PHF21A: variants seen among roughly 807,000 people sequenced by gnomAD.
The protein encoded by PHF21A is BHC80a.
In PHF21A, 11 loss-of-function variants were observed where a neutral mutation model predicts 82.5. The observed-to-expected ratio is 0.13, with a 90% confidence interval of 0.08 to 0.22. The LOEUF (loss-of-function observed/expected upper bound fraction) is 0.22. Among genes scored for constraint, PHF21A ranks in the 10% least tolerant of loss-of-function variants. The probability of loss-of-function intolerance (pLI) is 1.00; values close to 1 mark genes in which losing one functional copy is unlikely to be tolerated. For missense variants in PHF21A, 579 were observed against 837.8 expected (o/e 0.69, Z 3.81); for synonymous variants, 297 against 302.8 (o/e 0.98, Z 0.20).
chr11:46,014,022 T>G (rs1234690736), intron 6 of PHF21A, among the ~76,000 whole-genome samples: 1 of 152,198 alleles, frequency 6.6e-6, no homozygotes, highest in East Asian at 1.9e-4. Context: ...TATATTTATT[T>G]ATTTTAGATT....
At chr11:45,994,508 G>A (rs940480110) in intron 6 of PHF21A, among the ~76,000 whole-genome samples, 1 of 152,144 alleles carries the variant, frequency 6.6e-6, no homozygotes, top group Non-Finnish European at 1.5e-5. Flanking sequence ...GGCAAGACCA[G>A]GGCTCAGTCA....
At chr11:46,062,184 G>GT (rs1399446733) in intron 6 of PHF21A, among the ~76,000 whole-genome samples, 2 of 151,948 alleles carry the variant, frequency 1.3e-5, no homozygotes, top group South Asian at 4.2e-4. Flanking sequence ...AGGGTGTGGG[G>GT]TTTTTTTAAT....
intron 6 of PHF21A, among the ~76,000 whole-genome samples, chr11:45,993,550 C>G (rs1371330490): frequency 1.3e-5 from 2 of 151,796 alleles, no homozygotes; most frequent in East Asian, 1.9e-4. Context: ...TAACAAAAAG[C>G]TGGAGCTCAT....
chr11:46,019,379 TG>T (rs1252766996), intron 6 of PHF21A, among the ~76,000 whole-genome samples: 3 of 152,166 alleles, frequency 2.0e-5, no homozygotes, highest in Non-Finnish European at 4.4e-5. Flanking sequence ...TAACTTTCAT[TG>T]GTAAGCATGT....
intron 5 of PHF21A, 162 bp from the exon 6 acceptor site, chr11:46,076,981 A>G (rs2096733810): frequency 1.8e-6 from 1 of 543,382 alleles, no homozygotes; most frequent in Non-Finnish European, 3.3e-6. Context: ...ACCATCACCT[A>G]ATGCACAGAT....
intron 16 of PHF21A, chr11:45,936,870 C>G (rs2089203221): frequency 3.8e-6 from 1 of 259,912 alleles, no homozygotes; most frequent in Non-Finnish European, 7.3e-6. Flanking sequence ...CCACTCCCGA[C>G]AGCTAGAACC....
At chr11:45,961,235 A>C (rs1292958616) in intron 10 of PHF21A, among the ~76,000 whole-genome samples, 2 of 152,068 alleles carry the variant, frequency 1.3e-5, no homozygotes, top group Non-Finnish European at 2.9e-5. Flanking sequence ...GAATCCAAAA[A>C]CTCTGCACAA....
chr11:46,101,585 T>C (rs539580712), intron 1 of PHF21A, among the ~76,000 whole-genome samples: 2 of 152,338 alleles, frequency 1.3e-5, no homozygotes, highest in South Asian at 4.1e-4. Context: ...TTTCTCTAAG[T>C]ATAATTAAAT....
rs535794801 is a variant in PHF21A, at chr11:46,011,307, G to A, written c.154-31341C>T. On this transcript the variant is annotated intron_variant, in intron 6 of 18. Coordinates refer to ENST00000676320, the MANE Select transcript of PHF21A (RefSeq NM_001352027.3). The stretch of plus-strand genomic sequence containing the variant: ...AGTTCAAGGCCAATCTGCCCAACAT[G>A]GTAAAACCCTGTCTCTACTAAAAAT... Among the ~76,000 whole-genome samples, 5 of 152,216 alleles carry A rather than the reference G, an allele frequency of 3.3e-5. No individual in the cohort carries two copies. The South Asian group carries it at 1.0e-3, about 32-fold the overall frequency.
intron 6 of PHF21A, among the ~76,000 whole-genome samples, chr11:46,009,926 G>A (rs944003033): frequency 3.3e-5 from 5 of 152,136 alleles, no homozygotes; most frequent in African/African-American, 1.2e-4. Flanking sequence ...ACAGATAAAG[G>A]GGCCGTCAGT....
chr11:46,086,401 G>C (rs1333311929), intron 3 of PHF21A, among the ~76,000 whole-genome samples: 1 of 152,178 alleles, frequency 6.6e-6, no homozygotes, highest in East Asian at 1.9e-4. Flanking sequence ...TTACAGGCAT[G>C]AGCCACCGCA....
chr11:46,037,433 G>A (rs1001483207), intron 6 of PHF21A, among the ~76,000 whole-genome samples: 1 of 152,138 alleles, frequency 6.6e-6, no homozygotes, highest in Non-Finnish European at 1.5e-5. Context: ...CCTGAGGTCA[G>A]GAGTTCAAGA....
intron 3 of PHF21A, among the ~76,000 whole-genome samples, chr11:46,090,038 C>T (rs1347238607): frequency 1.3e-5 from 2 of 151,630 alleles, no homozygotes; most frequent in Non-Finnish European, 2.9e-5. Context: ...TATACACATT[C>T]TTCTATTTCC....
chr11:45,934,469 C>G (rs1480680328), intron 18 of PHF21A: 1 of 501,218 alleles, frequency 2.0e-6, no homozygotes, highest in Non-Finnish European at 3.5e-6. Flanking sequence ...AAAGAGCATG[C>G]GGGCACCAAC....
chr11:45,975,615 A>G (rs1213603294), intron 7 of PHF21A, among the ~76,000 whole-genome samples: 1 of 152,194 alleles, frequency 6.6e-6, no homozygotes, highest in Non-Finnish European at 1.5e-5. Context: ...CATTTGCATT[A>G]TGCCATTAAA....
chr11:46,115,504 A>T (rs1198967513), intron 1 of PHF21A, among the ~76,000 whole-genome samples: 1 of 152,224 alleles, frequency 6.6e-6, no homozygotes, highest in Admixed American at 6.5e-5. Flanking sequence ...ATTCAATGCA[A>T]TGTTAACATA....
chr11:46,078,402 T>C (rs1409003628), intron 5 of PHF21A, among the ~76,000 whole-genome samples: 1 of 152,196 alleles, frequency 6.6e-6, no homozygotes, highest in East Asian at 1.9e-4. Flanking sequence ...TGATATTTGA[T>C]AAACACTCTC....
At chr11:46,045,966 C>A (rs537107289) in intron 6 of PHF21A, among the ~76,000 whole-genome samples, 1 of 152,022 alleles carries the variant, frequency 6.6e-6, no homozygotes, top group South Asian at 2.1e-4. Context: ...GATAAAGTAC[C>A]GTATTAAAAC....
At chr11:46,020,155 T>C (rs2095601128) in intron 6 of PHF21A, among the ~76,000 whole-genome samples, 1 of 152,182 alleles carries the variant, frequency 6.6e-6, no homozygotes. Context: ...GCTGGGAATA[T>C]GATTACTTTT....
Sources: gnomAD v4.1 joint callset for allele counts (sites outside exome capture counted in the v4.1 genomes callset) on GRCh38, gnomAD v4.1.1 for gene constraint, MANE v1.5 for transcripts, NCBI Gene and HGNC (gene_info 2026-07-23, HGNC 2026-07-21) for gene names.